The following GSG1L variants were observed in gnomAD, a reference collection of about 807,000 sequenced individuals.
GSG1L encodes germ cell-specific gene 1-like protein.
Under a neutral mutation model 42.1 loss-of-function variants are expected in GSG1L, and 24 were observed. That is an observed-to-expected ratio of 0.57 (90% CI 0.41 to 0.80). The LOEUF (loss-of-function observed/expected upper bound fraction) is 0.80. Among genes scored for constraint, GSG1L ranks in the 30% least tolerant of loss-of-function variants. GSG1L has a pLI of 0.00. For missense variants in GSG1L, 445 were observed against 472.2 expected, an observed-to-expected ratio of 0.94 and a Z score of 0.53; for synonymous variants, 215 against 203.5, an observed-to-expected ratio of 1.06 and a Z score of -0.48.
intron 1 of GSG1L, among the ~76,000 whole-genome samples, chr16:27,977,171 G>A (rs2085260071): frequency 6.6e-6 from 1 of 152,176 alleles, no homozygotes; most frequent in South Asian, 2.1e-4. Flanking sequence ...GGCTCACAGA[G>A]GCAGAGTGAC....
chr16:27,989,974 A>C (rs1310930499), intron 1 of GSG1L, among the ~76,000 whole-genome samples: 2 of 152,106 alleles, frequency 1.3e-5, no homozygotes, highest in African/African-American at 2.4e-5. Context: ...AAATTCATGG[A>C]AAGGACCCTG....
chr16:27,953,058 A>G (rs1196877355), intron 2 of GSG1L, among the ~76,000 whole-genome samples: 3 of 152,194 alleles, frequency 2.0e-5, no homozygotes, highest in Non-Finnish European at 2.9e-5. Context: ...TCTTTTACCT[A>G]ACATCCATGT....
chr16:27,798,314 C>A (rs374966057), intron 6 of GSG1L, among the ~76,000 whole-genome samples: 1 of 152,214 alleles, frequency 6.6e-6, no homozygotes, highest in Non-Finnish European at 1.5e-5. Flanking sequence ...GGGCTGGGGG[C>A]AGTTCCCAGA....
chr16:27,796,163 A>G (rs1372893734), intron 6 of GSG1L, among the ~76,000 whole-genome samples: 1 of 152,150 alleles, frequency 6.6e-6, no homozygotes, highest in African/African-American at 2.4e-5. Context: ...TTTACAGGGA[A>G]GTTCCTTCCG....
chr16:27,889,609 G>A (rs995743874), intron 2 of GSG1L, among the ~76,000 whole-genome samples: 3 of 151,980 alleles, frequency 2.0e-5, no homozygotes, highest in South Asian at 2.1e-4. Context: ...TCTCTTAGCC[G>A]CCATCAATGC....
intron 2 of GSG1L, among the ~76,000 whole-genome samples, chr16:27,918,282 GA>G (rs1596612513): frequency 6.6e-6 from 1 of 152,080 alleles, no homozygotes; most frequent in South Asian, 2.1e-4. Context: ...ACACCCAGCA[GA>G]AAAAAACAAC....
intron 2 of GSG1L, among the ~76,000 whole-genome samples, chr16:27,938,382 C>T (rs984029719): frequency 3.7e-4 from 32 of 87,108 alleles, no homozygotes; most frequent in African/African-American, 9.4e-4. Flanking sequence ...AGCGAGACTC[C>T]ATTAAAAAAA....
chr16:27,819,629 G>A (rs930817155), intron 5 of GSG1L, among the ~76,000 whole-genome samples: 7 of 152,194 alleles, frequency 4.6e-5, no homozygotes, highest in Admixed American at 6.5e-5. Context: ...TGCACAGGCC[G>A]GAACATGGCC....
intron 1 of GSG1L, among the ~76,000 whole-genome samples, chr16:27,993,712 T>C (rs951399669): frequency 6.6e-5 from 10 of 152,280 alleles, no homozygotes; most frequent in Non-Finnish European, 1.5e-4. Context: ...AAAGAACAGC[T>C]TGCAGGCACA....
intron 2 of GSG1L, among the ~76,000 whole-genome samples, chr16:27,952,404 C>G (rs1056224545): frequency 1.3e-5 from 2 of 152,146 alleles, no homozygotes; most frequent in Non-Finnish European, 2.9e-5. Context: ...CACAAAAGGT[C>G]ATTTCTAAGC....
intron 5 of GSG1L, among the ~76,000 whole-genome samples, chr16:27,810,933 C>T (rs906881160): frequency 6.6e-6 from 1 of 152,136 alleles, no homozygotes; most frequent in South Asian, 2.1e-4. Context: ...GGTGATCCAC[C>T]CACCTTGGCC....
At position 28,060,371 on chromosome 16, in the gene GSG1L, C is replaced by T. The variant is rs546050987; in HGVS notation, c.349+2705G>A. On this transcript the variant is annotated intron_variant, in intron 1 of 6. Coordinates refer to ENST00000447459, the MANE Select transcript of GSG1L (RefSeq NM_001109763.2). The stretch of plus-strand genomic sequence containing the variant: ...ACTGTAGGATCAGCTGCAGAAACCA[C>T]CCCAGCTGGCTCCGATTCCCAAATT... 5.9e-5 allele frequency among the ~76,000 whole-genome samples: 9 copies of T among 152,204 alleles called. No homozygotes were observed. The South Asian group carries it at 1.9e-3, about 32-fold the overall frequency.
chr16:27,904,083 C>T (rs544710364), intron 2 of GSG1L, among the ~76,000 whole-genome samples: 1 of 151,906 alleles, frequency 6.6e-6, no homozygotes, highest in Non-Finnish European at 1.5e-5. Context: ...TCCACCTGCC[C>T]TAAGGTTTTG....
chr16:27,933,858 C>G (rs11861424), intron 2 of GSG1L, among the ~76,000 whole-genome samples: 98,724 of 151,804 alleles, frequency 0.65, 32,844 homozygotes, highest in South Asian at 0.75. Context: ...CCTGAGGTCC[C>G]GTAGCTGCTC....
At chr16:27,860,736 T>G (rs2083638832) in intron 3 of GSG1L, among the ~76,000 whole-genome samples, 1 of 152,182 alleles carries the variant, frequency 6.6e-6, no homozygotes, top group South Asian at 2.1e-4. Flanking sequence ...AGGGAGGGGC[T>G]GGGAGTCCAG....
chr16:27,979,067 G>A (rs536890718), intron 1 of GSG1L, among the ~76,000 whole-genome samples: 24 of 152,248 alleles, frequency 1.6e-4, no homozygotes, highest in Admixed American at 1.4e-3. Context: ...TCATAGCCAA[G>A]TGATCTCAGG....
chr16:27,920,379 A>G (rs2084510451), intron 2 of GSG1L, among the ~76,000 whole-genome samples: 1 of 152,174 alleles, frequency 6.6e-6, no homozygotes, highest in Non-Finnish European at 1.5e-5. Context: ...AATTAAAGTG[A>G]GCAGGATTAC....
intron 3 of GSG1L, among the ~76,000 whole-genome samples, chr16:27,853,230 C>T (rs1240040464): frequency 6.6e-6 from 1 of 152,248 alleles, no homozygotes; most frequent in Non-Finnish European, 1.5e-5. Context: ...CCTGTGCCCT[C>T]TGCCCTGGGG....
At chr16:27,968,231 A>AT (rs1018216518) in intron 1 of GSG1L, among the ~76,000 whole-genome samples, 2 of 151,814 alleles carry the variant, frequency 1.3e-5, no homozygotes, top group Non-Finnish European at 2.9e-5. Context: ...AAATAAATTA[A>AT]TTTTTTTCTT....
Sources: gnomAD v4.1 joint callset for allele counts (sites outside exome capture counted in the v4.1 genomes callset) on GRCh38, gnomAD v4.1.1 for gene constraint, MANE v1.5 for transcripts, NCBI Gene and HGNC (gene_info 2026-07-23, HGNC 2026-07-21) for gene names.